MACF1: variants seen among roughly 807,000 people sequenced by gnomAD.
MACF1 encodes the protein microtubule-actin cross-linking factor 1.
A neutral mutation model predicts 854.8 loss-of-function variants in MACF1; 193 were observed. The ratio of observed to expected loss-of-function variants is 0.23; its 90% CI spans 0.20 to 0.25. The LOEUF (loss-of-function observed/expected upper bound fraction) is 0.25. Among genes scored for constraint, MACF1 ranks in the 10% least tolerant of loss-of-function variants. The probability of loss-of-function intolerance (pLI) is 1.00; values close to 1 mark genes in which losing one functional copy is unlikely to be tolerated. For synonymous variants in MACF1, 3,185 were observed against 3,226.7 expected, an observed-to-expected ratio of 0.99 and a Z score of 0.44; for missense variants, 7,722 against 8,929.1, an observed-to-expected ratio of 0.86 and a Z score of 5.45.
At chr1:39,243,537 G>A (rs1244957133) in intron 2 of MACF1, among the ~76,000 whole-genome samples, 6 of 152,098 alleles carry the variant, frequency 3.9e-5, no homozygotes, top group Non-Finnish European at 8.8e-5. Context: ...GAGTAGCTGG[G>A]ATTGTAGGCA....
intron 58 of MACF1, chr1:39,412,407 T>G (rs1462015146): frequency 6.2e-7 from 1 of 1,613,930 alleles, no homozygotes; most frequent in South Asian, 1.1e-5. Context: ...TGGAGAAAGT[T>G]TGTGATGAGG....
At chr1:39,157,450 C>T (rs1571112756) in intron 2 of MACF1, among the ~76,000 whole-genome samples, 1 of 152,190 alleles carries the variant, frequency 6.6e-6, no homozygotes, top group South Asian at 2.1e-4. Flanking sequence ...CCCTAGGTCA[C>T]CCAATGGCAT....
intron 6 of MACF1, among the ~76,000 whole-genome samples, chr1:39,280,845 T>C (rs1344363617): frequency 6.6e-6 from 1 of 152,210 alleles, no homozygotes; most frequent in African/African-American, 2.4e-5. Flanking sequence ...CCCAAAGAGC[T>C]GGGATTACAG....
At chr1:39,210,885 G>C (rs910682277) in intron 1 of MACF1, among the ~76,000 whole-genome samples, 3 of 151,686 alleles carry the variant, frequency 2.0e-5, no homozygotes, top group Non-Finnish European at 4.4e-5. Context: ...TAATTATGCT[G>C]CTTGGTTGTT....
rs894472091 is a variant in MACF1 at position 39,285,852 on chromosome 1, A to T, written c.1508+94A>T. The T allele has an allele frequency of 1.2e-5, 17 of 1,413,828 alleles. No individual in the cohort carries two copies. In the East Asian group the frequency reaches 3.4e-4, roughly 29 times the overall value. The allele number at this position is 1,413,828 out of a possible 1,614,324, so 87.6% of individuals were successfully genotyped here. On this transcript the variant is annotated intron_variant, in intron 14 of 100. Transcript: ENST00000564288. ...GCAAGAGTCAGGCACTTAATCTTTT[A>T]ACCTGGACATTTGAGGTCAGTGTCT... is the stretch of plus-strand genomic sequence containing the variant.
intron 20 of MACF1, among the ~76,000 whole-genome samples, chr1:39,297,148 G>A (rs537116013): frequency 6.6e-5 from 10 of 152,160 alleles, no homozygotes; most frequent in South Asian, 4.2e-4. Flanking sequence ...AGAAGGTCTC[G>A]ATCTCCTGAC....
intron 71 of MACF1, 90 bp downstream of exon 71, chr1:39,438,098 C>A (rs757820208): frequency 1.4e-4 from 173 of 1,236,182 alleles, no homozygotes; most frequent in Non-Finnish European, 1.8e-4. Flanking sequence ...TTATTTATTT[C>A]TTTGAATGTA....
chr1:39,110,066 A>G (rs766061205), intron 2 of MACF1, among the ~76,000 whole-genome samples: 1 of 152,278 alleles, frequency 6.6e-6, no homozygotes, highest in Non-Finnish European at 1.5e-5. Flanking sequence ...AGAAATAAAT[A>G]CAAAAATAAT....
intron 16 of MACF1, 94 bp from the exon 17 acceptor site, chr1:39,292,672 C>T: frequency 3.5e-6 from 3 of 863,274 alleles, no homozygotes; most frequent in Non-Finnish European, 5.3e-6. Context: ...ATCCATATCT[C>T]TATCTAGACA....
In MACF1 at chr1:39,406,756, A is replaced by AAAAAAAAAAAAAAAAAAAAAAC. The variant is rs746955922; in HGVS notation, c.15817-15616_15817-15615insAAAAAAAAAAAAAAAAAAACAA. Among the ~76,000 whole-genome samples the AAAAAAAAAAAAAAAAAAAAAAC allele has an allele frequency of 1.2e-3, 138 of 116,022 alleles. 20 individuals carry two copies. The highest frequency in any genetic ancestry group is 3.2e-3 in the African/African-American group (84 of 26,064). 76.1% of individuals were successfully genotyped at this position (116,022 alleles called of 152,430 possible). On this transcript the variant is annotated intron_variant, in intron 58 of 100. Transcript: ENST00000564288. ...TCTCACTCAAAAAAAAAAAAAAAAA[A>AAAAAAAAAAAAAAAAAAAAAAC]AACATTCTTTATAATAGAATAACCA...
rs1641617641 is a variant in MACF1, at chr1:39,084,549, G to C, written c.220+111G>C. On this transcript the variant is annotated intron_variant, in intron 2 of 93. Coordinates refer to the MACF1 transcript ENST00000361689. This position sits in a 1 kb window ranked among gnomAD's most constrained non-coding sequence, Gnocchi z 5.2. ...GGTCCTCACCAGGGCCTCTGACAAA[G>C]CAGCCATCATCTGATTTGTTATTAT... The C allele has an allele frequency of 1.2e-6, 1 of 801,406 alleles. No individual in the cohort carries two copies. Among genetic ancestry groups the C allele is most frequent in the Admixed American group, 2.6e-5 (1 of 38,526 alleles). The allele number at this position is 801,406 out of a possible 1,614,324, so 49.6% of individuals were successfully genotyped here. A position where few individuals can be genotyped will look rare whatever the true frequency, so the allele number is the denominator to read the frequency against.
chr1:39,423,081 G>A (rs1340649068), intron 60 of MACF1, among the ~76,000 whole-genome samples, 181 bp downstream of exon 60: 1 of 152,144 alleles, frequency 6.6e-6, no homozygotes, highest in African/African-American at 2.4e-5. Flanking sequence ...GTTTACTGTG[G>A]CATATATTAG....
At chr1:39,289,482 GATA>G (rs1195930054) in intron 15 of MACF1, among the ~76,000 whole-genome samples, 1 of 152,074 alleles carries the variant, frequency 6.6e-6, no homozygotes, top group Non-Finnish European at 1.5e-5. Context: ...GCATTTCTCT[GATA>G]ATTAGTGACG....
intron 66 of MACF1, among the ~76,000 whole-genome samples, chr1:39,432,281 G>T (rs1188634381): frequency 2.6e-5 from 4 of 152,114 alleles, no homozygotes; most frequent in African/African-American, 9.7e-5. Context: ...CTTTTGAAGG[G>T]GATTGATATC....
At chr1:39,088,191 C>G (rs1641722569) in intron 2 of MACF1, among the ~76,000 whole-genome samples, 1 of 152,122 alleles carries the variant, frequency 6.6e-6, no homozygotes, top group East Asian at 1.9e-4. Context: ...CCAGGATGGT[C>G]TCCATCTCCT....
intron 34 of MACF1, 47 bp downstream of exon 34, chr1:39,324,392 A>G (rs1245750479): frequency 1.3e-6 from 2 of 1,595,838 alleles, no homozygotes; most frequent in Non-Finnish European, 1.7e-6. Flanking sequence ...ATAATATGTG[A>G]TAATACATTA....
intron 2 of MACF1, among the ~76,000 whole-genome samples, chr1:39,188,606 C>T (rs768079060): frequency 1.3e-5 from 2 of 152,132 alleles, no homozygotes; most frequent in African/African-American, 2.4e-5. Context: ...AGGGCCTCAT[C>T]GTTCATTGTC....
At chr1:39,416,205 C>G (rs1643303831) in intron 58 of MACF1, among the ~76,000 whole-genome samples, 1 of 152,086 alleles carries the variant, frequency 6.6e-6, no homozygotes, top group East Asian at 1.9e-4. Flanking sequence ...AGGTAGCATT[C>G]CATTAAATTA....
Position 39,292,806 on chromosome 1 carries a change from C to G in MACF1, c.1955C>G (p.Thr652Ser). 6.2e-7 allele frequency: 1 copy of G among 1,613,142 alleles called. No individual in the cohort carries two copies. Among genetic ancestry groups the G allele is most frequent in the South Asian group, 1.1e-5 (1 of 90,778 alleles). ...SQNFHTSYAE[T>S]LGKLETQYCK... ...AATTTCCATACCAGCTATGCTGAAA[C>G]TCTTGGAAAGCTGGAGACACAGTAT... The change falls in exon 17 of 101, where the codon ACT (threonine) becomes AGT (serine). Residue 652 changes from threonine to serine, a missense_variant. Physicochemically the swap from Thr to Ser is moderately conservative, Grantham distance 58. Around this residue, in one of 15 missense-constraint regions of MACF1, gnomAD observed 1,137 missense variants for 1,263.0 expected, o/e 0.90. Coordinates refer to ENST00000564288, the MANE Select transcript of MACF1 (RefSeq NM_001394062.1).
Sources: gnomAD v4.1 joint callset for allele counts (sites outside exome capture counted in the v4.1 genomes callset) on GRCh38, gnomAD v4.1.1 for gene constraint, gnomAD v4.1.1 regional missense constraint, Gnocchi (gnomAD v3.1) non-coding constraint, MANE v1.5 for transcripts, NCBI Gene and HGNC (gene_info 2026-07-23, HGNC 2026-07-21) for gene names.